ARHGAP11A: variants seen among roughly 807,000 people sequenced by gnomAD.
The protein encoded by ARHGAP11A is Rho GTPase activating protein 11A.
A neutral mutation model predicts 60.5 loss-of-function variants in ARHGAP11A; 36 were observed. The ratio of observed to expected loss-of-function variants is 0.59; its 90% CI spans 0.46 to 0.79. The LOEUF is 0.79. ARHGAP11A is among the 30% of genes least tolerant of loss of function. The pLI is 0.00. For missense variants in ARHGAP11A, 1,071 were observed against 1,199.2 expected (o/e 0.89, Z 1.58); for synonymous variants, 362 against 415.5 (o/e 0.87, Z 1.57).
At chr15:32,627,134 A>C (rs2053476932) in intron 6 of ARHGAP11A, among the ~76,000 whole-genome samples, 2 of 151,976 alleles carry the variant, frequency 1.3e-5, no homozygotes, top group African/African-American at 2.4e-5. Context: ...CTAAATAGAT[A>C]ACCACCACAT....
rs1452959140 is a variant in ARHGAP11A, at chr15:32,616,883, T to C, written c.129+543T>C. ...GTATGACAGAACATTAGAAATAGGC[T>C]TCAAATGATGACTGCATATTCACTA... is the stretch of plus-strand genomic sequence containing the variant. On this transcript the variant is annotated intron_variant, in intron 1 of 11. Coordinates refer to ENST00000361627, the MANE Select transcript of ARHGAP11A (RefSeq NM_014783.6). Among the ~76,000 whole-genome samples, 3 of 152,258 alleles carry C rather than the reference T, an allele frequency of 2.0e-5. No homozygotes were observed. The East Asian group carries it at 5.8e-4, about 29-fold the overall frequency.
At chr15:32,630,564 T>G (rs2053562479) in intron 8 of ARHGAP11A, among the ~76,000 whole-genome samples, 1 of 150,552 alleles carries the variant, frequency 6.6e-6, no homozygotes, top group Non-Finnish European at 1.5e-5. Context: ...TCTCTGATTA[T>G]TTTAGATTTT....
At chr15:32,627,890 A>G (rs1313708215) in intron 6 of ARHGAP11A, among the ~76,000 whole-genome samples, 1 of 150,784 alleles carries the variant, frequency 6.6e-6, no homozygotes, top group Admixed American at 6.6e-5. Context: ...GTTCACTGCA[A>G]TCTCCACCTC....
At chr15:32,630,942 C>T (rs2053569803) in intron 8 of ARHGAP11A, among the ~76,000 whole-genome samples, 1 of 151,994 alleles carries the variant, frequency 6.6e-6, no homozygotes, top group Non-Finnish European at 1.5e-5. Context: ...GTAGTTCTAC[C>T]TGCCTTTGCT....
At chr15:32,623,180 T>C (rs1214109382) in intron 2 of ARHGAP11A, among the ~76,000 whole-genome samples, 1 of 150,158 alleles carries the variant, frequency 6.7e-6, no homozygotes, top group Admixed American at 6.6e-5. Flanking sequence ...GAGTAGAGAC[T>C]GAGATATGAA....
Position 32,633,024 on chromosome 15 carries a change from C to T in ARHGAP11A, c.1151C>T (p.Ser384Phe). 1.2e-6 allele frequency: 2 copies of T among 1,614,036 alleles called. No homozygotes were observed. Among genetic ancestry groups the T allele is most frequent in the Non-Finnish European group, 1.7e-6 (2 of 1,179,886 alleles). Reference sequence around the variant, plus strand: ...GAAGGGTCATCTCAGAGTTCACTCTCTCCTGTACTCATTGGTGGAAACCAT... The same window carrying T: ...GAAGGGTCATCTCAGAGTTCACTCTTTCCTGTACTCATTGGTGGAAACCAT... ...SSEGSSQSSL[S>F]PVLIGGNHLI... The change falls in exon 9 of 12, where the codon TCT (serine) becomes TTT (phenylalanine). Residue 384 changes from serine (S) to phenylalanine (F), a missense_variant. Coordinates refer to ENST00000361627, the MANE Select transcript of ARHGAP11A (RefSeq NM_014783.6).
Position 32,636,932 on chromosome 15 carries a change from A to T in ARHGAP11A, c.2159A>T (p.Asp720Val). 6.2e-7 allele frequency: 1 copy of T among 1,611,270 alleles called. No homozygotes were observed. Among genetic ancestry groups the T allele is most frequent in the South Asian group, 1.1e-5 (1 of 90,216 alleles). Residue 720 changes from aspartate to valine, a missense_variant, in exon 12 of 12, where the codon GAT (aspartate) becomes GTT (valine). Around this residue, in one of 4 missense-constraint regions of ARHGAP11A, gnomAD observed 776 missense variants for 760.2 expected, o/e 1.02. Coordinates refer to ENST00000361627, the MANE Select transcript of ARHGAP11A (RefSeq NM_014783.6). Reference protein sequence around the residue: ...DYLSKQEFSSDEEIKKQQSPK... With the variant: ...DYLSKQEFSSVEEIKKQQSPK... ...TTAAGCAAGCAAGAATTCTCCAGTG[A>T]TGAAGAAATAAAGAAACAGCAGTCC...
chr15:32,633,636 C>T (rs1218603377), intron 9 of ARHGAP11A, among the ~76,000 whole-genome samples: 2 of 151,968 alleles, frequency 1.3e-5, no homozygotes, highest in East Asian at 1.9e-4. Flanking sequence ...GAGTGAGACC[C>T]TGTCTCAAAA....
chr15:32,626,033 T>TA (rs1180215377), intron 6 of ARHGAP11A, among the ~76,000 whole-genome samples: 1 of 152,130 alleles, frequency 6.6e-6, no homozygotes, highest in Admixed American at 6.6e-5. Context: ...CTAATGTAGA[T>TA]AGTGCAGTAT....
Position 32,629,582 on chromosome 15 carries a change from G to A in ARHGAP11A, c.938-13G>A. The A allele has an allele frequency of 1.9e-6, 3 of 1,586,552 alleles. No individual in the cohort carries two copies. Among genetic ancestry groups the A allele is most frequent in the Non-Finnish European group, 2.6e-6 (3 of 1,168,386 alleles). On this transcript the variant is annotated splice_polypyrimidine_tract_variant and intron_variant, in intron 7 of 11. Coordinates refer to ENST00000361627, the MANE Select transcript of ARHGAP11A (RefSeq NM_014783.6). ...AGTAGAAACAAGTTGGTTTTGTTTT[G>A]ATATTTTTTCAGCCCAGCTATCTGA...
At chr15:32,629,462 T>C (rs1170299900) in intron 7 of ARHGAP11A, 133 bp from the exon 8 acceptor site, 1 of 581,496 alleles carries the variant, frequency 1.7e-6, no homozygotes, top group Non-Finnish European at 3.0e-6. Context: ...TCTACTTAAC[T>C]GATGATGTAA....
At chr15:32,622,124 A>G (rs1235861206) in intron 2 of ARHGAP11A, among the ~76,000 whole-genome samples, 7 of 152,310 alleles carry the variant, frequency 4.6e-5, no homozygotes, top group East Asian at 1.9e-4. Flanking sequence ...AACACCTATA[A>G]TGATTTTCAA....
Position 32,637,263 on chromosome 15 carries a change from T to G in ARHGAP11A, c.2490T>G (p.Pro830=), listed in dbSNP as rs1464919573. The G allele has an allele frequency of 1.2e-6, 2 of 1,614,230 alleles. No homozygotes were observed. ...CAAATAGAATAAAAGTCAAGTCACCTCTTAAGTTTCAGCGTACTCCTGTTC... is the reference window on the plus strand; with the variant it reads ...CAAATAGAATAAAAGTCAAGTCACCGCTTAAGTTTCAGCGTACTCCTGTTC... The part of the protein sequence containing the change: ...NEPNRIKVKS[P]LKFQRTPVRQ... Residue 830 remains proline (P), a synonymous_variant, in exon 12 of 12, where the codon CCT becomes CCG. Transcript: ENST00000361627.
At position 32,637,504 on chromosome 15, in the gene ARHGAP11A, T is replaced by A; in HGVS notation, c.2731T>A (p.Ser911Thr). Reference protein sequence around the residue: ...KEQKSMSCEESNIGAISKSSM... With the variant: ...KEQKSMSCEETNIGAISKSSM... ...ACAGAAGTCCATGTCATGTGAAGAG[T>A]CAAATATTGGTGCAATTTCAAAGTC... The change falls in exon 12 of 12, where the codon TCA becomes ACA. Residue 911 changes from serine to threonine, a missense_variant. This residue lies in a region of ARHGAP11A where 776 missense variants were observed against 760.2 expected (regional missense o/e 1.02). Transcript: ENST00000361627. 1 of 1,613,850 alleles carries A rather than the reference T, an allele frequency of 6.2e-7. No homozygotes were observed. The highest frequency in any genetic ancestry group is 8.5e-7 in the Non-Finnish European group (1 of 1,179,998).
intron 7 of ARHGAP11A, 31 bp from the exon 8 acceptor site, chr15:32,629,564 A>G (rs780242516): frequency 6.3e-7 from 1 of 1,574,910 alleles, no homozygotes; most frequent in Non-Finnish European, 8.6e-7. Flanking sequence ...TGCAGTAGAA[A>G]CAAGTTGGTT....
chr15:32,623,145 G>C (rs565532068), intron 2 of ARHGAP11A, among the ~76,000 whole-genome samples: 2,420 of 150,688 alleles, frequency 0.016, 69 homozygotes, highest in African/African-American at 0.056. Context: ...GGAGTAATGA[G>C]GTATGAGAAT....
At chr15:32,618,800 A>C (rs2053226535) in intron 1 of ARHGAP11A, among the ~76,000 whole-genome samples, 1 of 142,990 alleles carries the variant, frequency 7.0e-6, no homozygotes, top group African/African-American at 2.6e-5. Context: ...AAATACAAAA[A>C]AATTAGCCAG....
chr15:32,616,073 G>A lies in ARHGAP11A; in HGVS notation c.-139G>A, dbSNP rs962828796. ...AAGCCGTGGAAGTGGCCGGGGGTCG[G>A]GGCCGCAGAAGTGCCAGACGGGGCC... On this transcript the variant is annotated 5_prime_UTR_variant, in exon 1 of 12. Transcript: ENST00000361627. 2 of 1,307,004 alleles carry A rather than the reference G, an allele frequency of 1.5e-6. No individual in the cohort carries two copies. The highest frequency in any genetic ancestry group is 2.5e-5 in the East Asian group (1 of 40,232). The allele number at this position is 1,307,004 out of a possible 1,614,324, so 81.0% of individuals were successfully genotyped here.
Position 32,632,962 on chromosome 15 carries a change from TG to T in ARHGAP11A, c.1106-16del, listed in dbSNP as rs2053617657. On this transcript the variant is annotated splice_polypyrimidine_tract_variant and intron_variant, in intron 8 of 11. Coordinates refer to ENST00000361627, the MANE Select transcript of ARHGAP11A (RefSeq NM_014783.6). ...AAATAGATATGTGTGGTATATTACA[TG>T]TGGTTATTTTTGTAGTTCACATCGA... 1 of 1,605,834 alleles carries T rather than the reference TG, an allele frequency of 6.2e-7. No individual in the cohort carries two copies. The highest frequency in any genetic ancestry group is 1.7e-5 in the Admixed American group (1 of 58,636).
Sources: gnomAD v4.1 joint callset for allele counts (sites outside exome capture counted in the v4.1 genomes callset) on GRCh38, gnomAD v4.1.1 for gene constraint, gnomAD v4.1.1 regional missense constraint, MANE v1.5 for transcripts, NCBI Gene and HGNC (gene_info 2026-07-23, HGNC 2026-07-21) for gene names.